The following RBFOX1 variants were observed in gnomAD, a reference collection of about 807,000 sequenced individuals.
The protein encoded by RBFOX1 is RNA binding protein fox-1 homolog 1.
RBFOX1 carries 8 observed loss-of-function variants against 57.7 expected under a neutral mutation model. The observed-to-expected ratio is 0.14, with a 90% CI of 0.08 to 0.25. The LOEUF (loss-of-function observed/expected upper bound fraction) is 0.25, where lower values mean the gene tolerates loss of function less well. Ranked by LOEUF, RBFOX1 falls within the 10% of genes least tolerant of loss-of-function variation. The pLI is 1.00. For missense variants in RBFOX1, 611 were observed against 548.5 expected (o/e 1.11, Z -1.14); for synonymous variants, 326 against 222.4 (o/e 1.47, Z -4.15).
chr16:5,636,742 C>T (rs539165609), intron 3 of RBFOX1, among the ~76,000 whole-genome samples: 4 of 152,290 alleles, frequency 2.6e-5, no homozygotes, highest in South Asian at 2.1e-4. Context: ...CAGGTGAGAC[C>T]GCAGGGTTGC....
intron 1 of RBFOX1, among the ~76,000 whole-genome samples, chr16:6,239,342 G>T: frequency 6.6e-6 from 1 of 152,086 alleles, no homozygotes; most frequent in East Asian, 1.9e-4. Context: ...AGGGACCACA[G>T]TGTCCAAGGG....
At chr16:6,969,980 A>G (rs934791297) in intron 3 of RBFOX1, among the ~76,000 whole-genome samples, 8 of 152,106 alleles carry the variant, frequency 5.3e-5, no homozygotes, top group Non-Finnish European at 7.4e-5. Context: ...TATGTAATAT[A>G]AAGTCCTTAC....
chr16:7,698,833 G>A (rs1038530741), intron 14 of RBFOX1, among the ~76,000 whole-genome samples: 3 of 152,160 alleles, frequency 2.0e-5, no homozygotes, highest in Non-Finnish European at 2.9e-5. Flanking sequence ...CTGTATATGA[G>A]GCATAGTCTC....
rs538998130 is a variant in RBFOX1 at position 5,424,228 on chromosome 16, C to G, written c.220-42988C>G. On this transcript the variant is annotated intron_variant, in intron 1 of 2. Transcript: ENST00000585867. The stretch of plus-strand genomic sequence containing the variant: ...TTAGCACACTGTGAACAGTGAACAT[C>G]TGCTGAATTGCATTGAGAGACAGCG... 7.2e-5 allele frequency among the ~76,000 whole-genome samples: 11 copies of G among 152,338 alleles called. No homozygotes were observed. The South Asian group carries it at 2.3e-3, about 32-fold the overall frequency.
chr16:7,273,021 T>G (rs548351005), intron 4 of RBFOX1, among the ~76,000 whole-genome samples: 4 of 132,156 alleles, frequency 3.0e-5, no homozygotes, highest in East Asian at 2.5e-4. Flanking sequence ...CTTTCTGCCT[T>G]CCTTCCTTTT....
intron 11 of RBFOX1, among the ~76,000 whole-genome samples, chr16:7,644,161 G>T (rs966181996): frequency 7.9e-5 from 12 of 152,146 alleles, no homozygotes; most frequent in African/African-American, 2.9e-4. Context: ...ATAGGCTTTG[G>T]TGTCAGGCTG....
intron 1 of RBFOX1, among the ~76,000 whole-genome samples, chr16:6,108,002 C>T (rs2096402739): frequency 6.6e-6 from 1 of 151,930 alleles, no homozygotes; most frequent in African/African-American, 2.4e-5. Context: ...TGATGTCACA[C>T]ACAGCTACCT....
At chr16:6,592,576 C>T (rs1352568834) in intron 2 of RBFOX1, among the ~76,000 whole-genome samples, 5 of 152,186 alleles carry the variant, frequency 3.3e-5, no homozygotes, top group Non-Finnish European at 7.3e-5. Flanking sequence ...CATATGCTGG[C>T]TCCACCATGT....
intron 1 of RBFOX1, among the ~76,000 whole-genome samples, chr16:5,301,690 C>A (rs150779972): frequency 2.0e-5 from 3 of 151,018 alleles, no homozygotes; most frequent in African/African-American, 7.3e-5. Context: ...ATCTCCTTAG[C>A]AAATCCTTGA....
intron 3 of RBFOX1, among the ~76,000 whole-genome samples, chr16:6,757,534 A>G (rs1375139678): frequency 6.6e-6 from 1 of 152,180 alleles, no homozygotes; most frequent in Admixed American, 6.5e-5. Flanking sequence ...TGTTAACTGA[A>G]ATAAGCTGAG....
At chr16:5,523,875 G>C (rs973815733) in intron 2 of RBFOX1, among the ~76,000 whole-genome samples, 2 of 152,180 alleles carry the variant, frequency 1.3e-5, no homozygotes, top group African/African-American at 4.8e-5. Context: ...GCAGCATGGA[G>C]GGGCTGTTGT....
chr16:5,598,371 C>T (rs1040141906), intron 2 of RBFOX1, among the ~76,000 whole-genome samples: 2 of 152,180 alleles, frequency 1.3e-5, no homozygotes, highest in Non-Finnish European at 2.9e-5. Context: ...AACATCCGGA[C>T]CAGCACTGCC....
rs918765694 is a variant in RBFOX1 at position 7,156,749 on chromosome 16, G to A, written c.27+104651G>A. ...TATTGATGCATGTTAAATGGCTTGAGTTTTGTTGCTTTTCTACTTCAAACA... is the reference window on the plus strand; with the variant it reads ...TATTGATGCATGTTAAATGGCTTGAATTTTGTTGCTTTTCTACTTCAAACA... On this transcript the variant is annotated intron_variant, in intron 4 of 15. Transcript: ENST00000550418. 2.6e-5 allele frequency among the ~76,000 whole-genome samples: 4 copies of A among 152,070 alleles called. 1 individual carries two copies. Among genetic ancestry groups the A allele is most frequent in the African/African-American group, 7.2e-5 (3 of 41,402 alleles).
intron 2 of RBFOX1, among the ~76,000 whole-genome samples, chr16:5,481,164 T>G (rs934509290): frequency 1.3e-5 from 2 of 152,340 alleles, no homozygotes; most frequent in South Asian, 4.1e-4. Flanking sequence ...GAGGCACTTT[T>G]CATACCTCAA....
chr16:7,042,942 A>G (rs1597837162), intron 3 of RBFOX1, among the ~76,000 whole-genome samples: 1 of 152,218 alleles, frequency 6.6e-6, no homozygotes, highest in Non-Finnish European at 1.5e-5. Flanking sequence ...AAATAAATAA[A>G]TAAAGTGATT....
chr16:7,044,581 C>G (rs2047263651), intron 3 of RBFOX1, among the ~76,000 whole-genome samples: 1 of 152,106 alleles, frequency 6.6e-6, no homozygotes, highest in Non-Finnish European at 1.5e-5. Context: ...ACTTGGCAGC[C>G]CTTTCAAGAG....
intron 11 of RBFOX1, among the ~76,000 whole-genome samples, chr16:7,638,273 A>G (rs2062108210): frequency 6.6e-6 from 1 of 152,222 alleles, no homozygotes; most frequent in Non-Finnish European, 1.5e-5. Flanking sequence ...AAGGAACTAT[A>G]GGACAGGTAT....
At chr16:6,511,540 A>G (rs1400438944) in intron 2 of RBFOX1, among the ~76,000 whole-genome samples, 3 of 152,214 alleles carry the variant, frequency 2.0e-5, no homozygotes, top group Non-Finnish European at 2.9e-5. Flanking sequence ...GAAACTACCA[A>G]CTGGCATTGC....
rs1365832234 is a variant in RBFOX1, at chr16:7,131,376, AAAAG to A, written c.27+79281_27+79284del. ...TTTTTTTTTTTTTTAAAAAAAAAAA[AAAAG>A]AATCATAGGTTCTGCTTAGTCAGTG... On this transcript the variant is annotated intron_variant, in intron 4 of 15. Coordinates refer to ENST00000550418, the MANE Select transcript of RBFOX1 (RefSeq NM_018723.4). 4.7e-4 allele frequency among the ~76,000 whole-genome samples: 70 copies of A among 149,102 alleles called. 1 individual carries two copies. In the East Asian group the frequency reaches 0.013, roughly 27 times the overall value.
Sources: gnomAD v4.1 joint callset for allele counts (sites outside exome capture counted in the v4.1 genomes callset) on GRCh38, gnomAD v4.1.1 for gene constraint, MANE v1.5 for transcripts, NCBI Gene and HGNC (gene_info 2026-07-23, HGNC 2026-07-21) for gene names.